ENG: variants seen among roughly 807,000 people sequenced by gnomAD.
ENG encodes CD105 antigen.
Under a neutral mutation model 71.0 loss-of-function variants are expected in ENG, and 17 were observed. The observed-to-expected ratio is 0.24, with a 90% CI of 0.16 to 0.36. ENG has a LOEUF of 0.36. Ranked by LOEUF, ENG falls within the 10% of genes least tolerant of loss-of-function variation. The pLI, the probability that ENG is intolerant of heterozygous loss-of-function variation, is 1.00. For missense variants in ENG, 749 were observed against 868.3 expected (o/e 0.86, Z 1.73); for synonymous variants, 360 against 366.9 (o/e 0.98, Z 0.21).
chr9:127,849,209 G>A (rs145770785), intron 1 of ENG, among the ~76,000 whole-genome samples: 35 of 152,322 alleles, frequency 2.3e-4, no homozygotes, highest in Non-Finnish European at 4.0e-4. Context: ...GGGGAACGAC[G>A]TAGCAGTAGG....
At position 127,836,432 on chromosome 9, in the gene ENG, T is replaced by C. The variant is rs754026219; in HGVS notation, c.220-6605A>G. 2.0e-5 allele frequency among the ~76,000 whole-genome samples: 3 copies of C among 152,274 alleles called. No homozygotes were observed. Among genetic ancestry groups the C allele is most frequent in the Non-Finnish European group, 2.9e-5 (2 of 68,044 alleles). On this transcript the variant is annotated intron_variant, in intron 2 of 14. Transcript: ENST00000373203. This position sits in a 1 kb window ranked among gnomAD's most constrained non-coding sequence, Gnocchi z 4.0. ...GGCCCTGAGTGCTAGTAGCCACTTA[T>C]AGAAAGTCGCTTCCAGCAATTCTTC...
At chr9:127,825,039 C>T (rs1830572924) in intron 6 of ENG, 65 bp from the exon 7 acceptor site, 1 of 1,594,500 alleles carries the variant, frequency 6.3e-7, no homozygotes, top group Non-Finnish European at 8.5e-7. Context: ...GCAGGCCAGC[C>T]AGGGTTATGC....
chr9:127,847,742 G>C (rs1452185463), intron 1 of ENG, among the ~76,000 whole-genome samples: 1 of 152,060 alleles, frequency 6.6e-6, no homozygotes, highest in Non-Finnish European at 1.5e-5. Context: ...GGTCCTTCTT[G>C]CTGCAATGCC....
intron 3 of ENG, among the ~76,000 whole-genome samples, chr9:127,828,090 A>G (rs1830669489): frequency 6.6e-6 from 1 of 151,766 alleles, no homozygotes; most frequent in African/African-American, 2.4e-5. Flanking sequence ...GATTACAGAC[A>G]TAAGCCAGGT....
intron 2 of ENG, among the ~76,000 whole-genome samples, chr9:127,830,767 G>A (rs563949918): frequency 6.6e-5 from 10 of 152,140 alleles, no homozygotes; most frequent in Admixed American, 3.9e-4. Context: ...TGGAGGCAGC[G>A]ATCCCCTGCC....
chr9:127,819,981 C>A lies in ENG; in HGVS notation c.1191G>T (p.Glu397Asp). ...LTFWDPSCEA[E>D]DRGDKFVLRS... Reference sequence around the variant, plus strand: ...GCAAGACAAACTTGTCACCCCTGTCCTCTGCCTCACAGCTGGGGTCCCAGA... The same window carrying A: ...GCAAGACAAACTTGTCACCCCTGTCATCTGCCTCACAGCTGGGGTCCCAGA... Residue 397 changes from glutamate to aspartate, a missense_variant, in exon 9 of 15, where the codon GAG (glutamate) becomes GAT (aspartate). By Grantham distance (45) the Glu-to-Asp change is conservative (BLOSUM62 2). Coordinates refer to ENST00000373203, the MANE Select transcript of ENG (RefSeq NM_001114753.3). The A allele has an allele frequency of 1.2e-6, 2 of 1,614,224 alleles. No individual in the cohort carries two copies. Among genetic ancestry groups the A allele is most frequent in the Non-Finnish European group, 1.7e-6 (2 of 1,180,040 alleles).
chr9:127,828,626 C>T (rs1830687062), intron 3 of ENG, among the ~76,000 whole-genome samples: 1 of 152,188 alleles, frequency 6.6e-6, no homozygotes, highest in Non-Finnish European at 1.5e-5. Context: ...CCTCGATTCC[C>T]CTTCTGGGCG....
intron 3 of ENG, among the ~76,000 whole-genome samples, chr9:127,829,296 C>G (rs562285332): frequency 1.6e-4 from 24 of 152,320 alleles, no homozygotes; most frequent in African/African-American, 5.5e-4. Flanking sequence ...TCTCCTGGCC[C>G]TTTTCCTCTG....
Position 127,820,018 on chromosome 9 carries a change from G to C in ENG, c.1154C>G (p.Thr385Arg). 1 of 1,614,042 alleles carries C rather than the reference G, an allele frequency of 6.2e-7. No individual in the cohort carries two copies. Among genetic ancestry groups the C allele is most frequent in the Non-Finnish European group, 8.5e-7 (1 of 1,180,018 alleles). ...ELVAHLKCTI[T>R]GLTFWDPSCE... Reference sequence around the variant, plus strand: ...GCTGGGGTCCCAGAAGGTCAGGCCCGTGATGGTGCACTTCAAATGCTGGGT... The same window carrying C: ...GCTGGGGTCCCAGAAGGTCAGGCCCCTGATGGTGCACTTCAAATGCTGGGT... The change falls in exon 9 of 15, where the codon ACG (threonine) becomes AGG (arginine). Residue 385 changes from threonine to arginine, a missense_variant. Coordinates refer to ENST00000373203, the MANE Select transcript of ENG (RefSeq NM_001114753.3).
intron 8 of ENG, among the ~76,000 whole-genome samples, chr9:127,823,635 G>A (rs1222045316): frequency 2.7e-5 from 4 of 146,386 alleles, no homozygotes; most frequent in Non-Finnish European, 5.9e-5. Context: ...TGATCCACCC[G>A]CCTCGGCCTC....
rs369020181 is a variant in ENG at position 127,818,851 on chromosome 9, G to A, written c.1312-19C>T. 38 of 1,611,950 alleles carry A rather than the reference G, an allele frequency of 2.4e-5. No homozygotes were observed. The African/African-American group carries it at 4.1e-4, about 18-fold the overall frequency. ...CCTTTTTCTGGGGGAGGACGGGAGG[G>A]AGACTTGGTCAATCTGGCGGCGCCA... On this transcript the variant is annotated intron_variant, in intron 10 of 14. Coordinates refer to ENST00000373203, the MANE Select transcript of ENG (RefSeq NM_001114753.3).
rs866422008 is a variant in ENG at position 127,846,623 on chromosome 9, C to A, written c.68-3378G>T. Among the ~76,000 whole-genome samples, 5 of 152,274 alleles carry A rather than the reference C, an allele frequency of 3.3e-5. No individual in the cohort carries two copies. Among genetic ancestry groups the A allele is most frequent in the African/African-American group, 9.6e-5 (4 of 41,560 alleles). On this transcript the variant is annotated intron_variant, in intron 1 of 14. Coordinates refer to ENST00000373203, the MANE Select transcript of ENG (RefSeq NM_001114753.3). This position sits in a 1 kb window ranked among gnomAD's most constrained non-coding sequence, Gnocchi z 5.5. ...CTGGCGGGGAGATCAGATAAGAGGT[C>A]CATTTATTTTGGGGCCTTTTCGAAT...
chr9:127,826,699 C>A (rs754756589), intron 3 of ENG, 27 bp from the exon 4 acceptor site: 1 of 1,612,254 alleles, frequency 6.2e-7, no homozygotes, highest in East Asian at 2.2e-5. Context: ...AGGCTCAGCA[C>A]GCTGTTCCTG....
At chr9:127,822,226 G>A (rs554409586) in intron 8 of ENG, 1 of 152,294 alleles carries the variant, frequency 6.6e-6, no homozygotes, top group South Asian at 2.1e-4. Context: ...CATCACTCAC[G>A]TGGAACCATG....
In ENG at chr9:127,829,790, T is replaced by G; in HGVS notation, c.257A>C (p.Lys86Thr). The change falls in exon 3 of 15, where the codon AAG (lysine) becomes ACG (threonine). Residue 86 changes from lysine (K) to threonine (T), a missense_variant. Physicochemically the swap from Lys to Thr is moderately conservative, Grantham distance 78 (BLOSUM62 -1). Coordinates refer to ENST00000373203, the MANE Select transcript of ENG (RefSeq NM_001114753.3). ...SQLELTLQASKQNGTWPREVL... is the reference protein window; with the variant it reads ...SQLELTLQASTQNGTWPREVL... ...CTCTCGGGGCCAGGTGCCATTTTGC[T>G]TGGATGCCTGGAGAGTCAGCTCCAG... The G allele has an allele frequency of 6.2e-7, 1 of 1,614,054 alleles. No individual in the cohort carries two copies. The highest frequency in any genetic ancestry group is 8.5e-7 in the Non-Finnish European group (1 of 1,180,016).
chr9:127,830,340 T>TAAA (rs141738433), intron 2 of ENG, among the ~76,000 whole-genome samples: 1 of 66,874 alleles, frequency 1.5e-5, no homozygotes, highest in African/African-American at 5.7e-5. Flanking sequence ...AGACTCCATC[T>TAAA]AAAAAAAAAA....
intron 1 of ENG, 44 bp downstream of exon 1, chr9:127,854,245 C>T: frequency 2.6e-6 from 4 of 1,547,666 alleles, no homozygotes; most frequent in Non-Finnish European, 3.5e-6. Context: ...CTGGTCCGTG[C>T]ACCGGAGGCC....
rs759964114 is a variant in ENG, at chr9:127,824,442, A to G, written c.996T>C (p.Gly332=). 6.2e-7 allele frequency: 1 copy of G among 1,609,614 alleles called. No individual in the cohort carries two copies. The highest frequency in any genetic ancestry group is 1.7e-5 in the Admixed American group (1 of 59,568). Residue 332 remains glycine (G), a synonymous_variant, in exon 8 of 15, where the codon GGT becomes GGC. Coordinates refer to ENST00000373203, the MANE Select transcript of ENG (RefSeq NM_001114753.3). ...IVSLHASSCG[G]RLQTSPAPIQ... is the part of the protein sequence containing the mutation. ...TCGGTGCGGGTGAGGTCTGCAGCCT[A>G]CCACCTGTGGGGTAGCAGAGGCAGG...
At chr9:127,828,516 G>T (rs937346980) in intron 3 of ENG, among the ~76,000 whole-genome samples, 52 of 152,320 alleles carry the variant, frequency 3.4e-4, no homozygotes, top group African/African-American at 1.2e-3. Flanking sequence ...GCGACCTTCC[G>T]GCTGGCGGGC....
Sources: allele counts gnomAD v4.1 joint callset (sites outside exome capture counted in the v4.1 genomes callset), GRCh38; gene constraint gnomAD v4.1.1; non-coding constraint Gnocchi (gnomAD v3.1); transcripts MANE v1.5; gene names NCBI Gene and HGNC (gene_info 2026-07-23, HGNC 2026-07-21).